Variants in MEF2D observed in about 807,000 individuals in gnomAD.
MEF2D encodes myocyte-specific enhancer factor 2D.
Under a neutral mutation model 59.3 loss-of-function variants are expected in MEF2D, and 10 were observed. The ratio of observed to expected loss-of-function variants is 0.17; its 90% CI spans 0.10 to 0.29. The LOEUF (loss-of-function observed/expected upper bound fraction) is 0.29, where lower values mean the gene tolerates loss of function less well. Ranked by LOEUF, MEF2D falls within the 10% of genes least tolerant of loss-of-function variation. MEF2D has a pLI of 1.00. For synonymous variants in MEF2D, 305 were observed against 295.0 expected (o/e 1.03, Z -0.35); for missense variants, 508 against 699.4 (o/e 0.73, Z 3.09).
chr1:156,471,159 A>G (rs1671213756), intron 9 of MEF2D, among the ~76,000 whole-genome samples: 1 of 151,958 alleles, frequency 6.6e-6, no homozygotes, highest in Non-Finnish European at 1.5e-5. Context: ...AGGTTCAAGC[A>G]ATTCTCCTGC....
intron 11 of MEF2D, 54 bp downstream of exon 11, chr1:156,467,939 G>A (rs1670964259): frequency 6.4e-7 from 1 of 1,556,678 alleles, no homozygotes; most frequent in Non-Finnish European, 8.7e-7. Flanking sequence ...GGCACGCGGG[G>A]CAGTCCCTGG....
At chr1:156,494,004 G>A (rs888183936) in intron 1 of MEF2D, among the ~76,000 whole-genome samples, 1 of 152,172 alleles carries the variant, frequency 6.6e-6, no homozygotes, top group Non-Finnish European at 1.5e-5. Context: ...GCATAGAGGA[G>A]GCAGTGGTGG....
At position 156,492,673 on chromosome 1, in the gene MEF2D, G is replaced by C. The variant is rs562368751; in HGVS notation, c.-139+7813C>G. Reference sequence around the variant, plus strand: ...CATCTAAACAAGAGCAATGGACAGGGGCCCTTGGCTATCAGAAGCCCTGGC... The same window carrying C: ...CATCTAAACAAGAGCAATGGACAGGCGCCCTTGGCTATCAGAAGCCCTGGC... On this transcript the variant is annotated intron_variant, in intron 1 of 11. Transcript: ENST00000348159. Among the ~76,000 whole-genome samples the C allele has an allele frequency of 6.5e-4, 99 of 152,316 alleles. 1 individual carries two copies. Among genetic ancestry groups the C allele is most frequent in the Admixed American group, 1.4e-3 (22 of 15,290 alleles).
intron 9 of MEF2D, among the ~76,000 whole-genome samples, chr1:156,472,579 C>T (rs190083436): frequency 3.7e-4 from 56 of 152,290 alleles, no homozygotes; most frequent in Middle Eastern, 3.4e-3. Flanking sequence ...ACAAAAGTCT[C>T]GCTCTGTTGC....
rs1670933412 is a variant in MEF2D, at chr1:156,467,612, T to A, written c.*33A>T. On this transcript the variant is annotated 3_prime_UTR_variant, in exon 12 of 12. Coordinates refer to ENST00000348159, the MANE Select transcript of MEF2D (RefSeq NM_005920.4). Reference sequence around the variant, plus strand: ...GGGCGGTGAGATTGTCAACTCTTCATCAGGGAGGCTGAGAGGAGGGGAGTG... The same window carrying A: ...GGGCGGTGAGATTGTCAACTCTTCAACAGGGAGGCTGAGAGGAGGGGAGTG... 1.1e-5 allele frequency: 14 copies of A among 1,317,570 alleles called. No homozygotes were observed. Among genetic ancestry groups the A allele is most frequent in the Non-Finnish European group, 1.4e-5 (14 of 1,024,126 alleles). 81.6% of individuals were successfully genotyped at this position (1,317,570 alleles called of 1,614,324 possible). A position where few individuals can be genotyped will look rare whatever the true frequency, so the allele number is the denominator to read the frequency against.
chr1:156,500,365 CG>C, intron 1 of MEF2D, 120 bp downstream of exon 1: 1 of 152,952 alleles, frequency 6.5e-6, no homozygotes, highest in Non-Finnish European at 1.5e-5. Context: ...CCTCCCGGCC[CG>C]GGGGCTGCCC....
At chr1:156,473,164 C>T (rs6700679) in intron 9 of MEF2D, among the ~76,000 whole-genome samples, 83,594 of 151,704 alleles carry the variant, frequency 0.55, 24,922 homozygotes, top group East Asian at 0.73. Flanking sequence ...ACTACAGGTA[C>T]GTGCCACTAC....
Position 156,468,902 on chromosome 1 carries a change from C to G in MEF2D, c.1125G>C (p.Gln375His). The change falls in exon 10 of 12, where the codon CAG becomes CAC. Residue 375 changes from glutamine (Q) to histidine (H), a missense_variant. Transcript: ENST00000348159. This position sits in a 1 kb window ranked among gnomAD's most constrained non-coding sequence, Gnocchi z 4.3. ...GTGGCTGCTGCTGTGGAGGCTGTGGCTGCTGCGGCTGCTGGGGCTGCTGTG... is the reference window on the plus strand; with the variant it reads ...GTGGCTGCTGCTGTGGAGGCTGTGGGTGCTGCGGCTGCTGGGGCTGCTGTG... ...QQPQQPQQPQ[Q>H]PQPPQQQPPQ... The G allele has an allele frequency of 6.2e-7, 1 of 1,613,220 alleles. No individual in the cohort carries two copies. Among genetic ancestry groups the G allele is most frequent in the Non-Finnish European group, 8.5e-7 (1 of 1,179,598 alleles).
chr1:156,471,028 G>A (rs1287755481), intron 9 of MEF2D, among the ~76,000 whole-genome samples: 1 of 152,170 alleles, frequency 6.6e-6, no homozygotes, highest in Non-Finnish European at 1.5e-5. Context: ...CAGAGCAAGG[G>A]CAGAAACGGG....
At chr1:156,467,703 G>A in intron 11 of MEF2D, 47 bp from the exon 12 acceptor site, 2 of 1,354,744 alleles carry the variant, frequency 1.5e-6, no homozygotes, top group Middle Eastern at 2.1e-4. Flanking sequence ...GGTGGCCCAG[G>A]CTTTGGGTAT....
intron 6 of MEF2D, among the ~76,000 whole-genome samples, chr1:156,477,511 C>T (rs968644870): frequency 1.3e-5 from 2 of 152,182 alleles, no homozygotes; most frequent in African/African-American, 4.8e-5. Context: ...CTAGGCTCTG[C>T]GACGGCCAAG....
intron 1 of MEF2D, among the ~76,000 whole-genome samples, chr1:156,487,910 C>G (rs189880309): frequency 6.0e-4 from 91 of 152,350 alleles, no homozygotes; most frequent in African/African-American, 2.1e-3. Context: ...TCTCCTTCAC[C>G]CTGCCTAGTA....
Position 156,467,536 on chromosome 1 carries a change from A to C in MEF2D, c.*109T>G. On this transcript the variant is annotated 3_prime_UTR_variant, in exon 12 of 12. Transcript: ENST00000348159. ...TGTAACCGTCAACAGGACACGAAGC[A>C]CAAGAAAGGAAGTGGGGGTCGAGCG... The C allele has an allele frequency of 4.3e-6, 3 of 692,978 alleles. No homozygotes were observed. The highest frequency in any genetic ancestry group is 6.6e-6 in the Non-Finnish European group (3 of 456,146). 42.9% of individuals were successfully genotyped at this position (692,978 alleles called of 1,614,324 possible).
At chr1:156,473,306 C>G (rs1298335242) in intron 9 of MEF2D, among the ~76,000 whole-genome samples, 1 of 152,174 alleles carries the variant, frequency 6.6e-6, no homozygotes, top group Non-Finnish European at 1.5e-5. Context: ...TGAGCCACCA[C>G]GCCTGGCCTG....
chr1:156,467,615 G>A lies in MEF2D; in HGVS notation c.*30C>T, dbSNP rs757735074. 8 of 1,318,662 alleles carry A rather than the reference G, an allele frequency of 6.1e-6. No individual in the cohort carries two copies. The South Asian group carries it at 2.4e-4, about 40-fold the overall frequency. 81.7% of individuals were successfully genotyped at this position (1,318,662 alleles called of 1,614,324 possible). A position where few individuals can be genotyped will look rare whatever the true frequency, so the allele number is the denominator to read the frequency against. ...CGGTGAGATTGTCAACTCTTCATCA[G>A]GGAGGCTGAGAGGAGGGGAGTGGGA... On this transcript the variant is annotated 3_prime_UTR_variant, in exon 12 of 12. Transcript: ENST00000348159.
rs898225712 is a variant in MEF2D at position 156,479,761 on chromosome 1, G to A, written c.432C>T (p.Val144=). 4 of 1,551,600 alleles carry A rather than the reference G, an allele frequency of 2.6e-6. No homozygotes were observed. Among genetic ancestry groups the A allele is most frequent in the Non-Finnish European group, 3.5e-6 (4 of 1,146,990 alleles). Residue 144 remains valine, a synonymous_variant, in exon 5 of 12, where the codon GTC becomes GTT. Transcript: ENST00000348159. ...TVPAPNFAMP[V]TVPVSNQSSL... is the part of the protein sequence containing the mutation. Reference sequence around the variant, plus strand: ...AGCTCTGATTGGACACGGGCACCGTGACAGGCATGGCAAAGTTGGGGGCCG... The same window carrying A: ...AGCTCTGATTGGACACGGGCACCGTAACAGGCATGGCAAAGTTGGGGGCCG...
chr1:156,467,272 T>C lies in MEF2D; in HGVS notation c.*373A>G, dbSNP rs1670904588. On this transcript the variant is annotated 3_prime_UTR_variant, in exon 12 of 12. Coordinates refer to ENST00000348159, the MANE Select transcript of MEF2D (RefSeq NM_005920.4). ...GGGGGTGGGGTGGGAGGGCTCCACA[T>C]GCAGGGCTCGGCACCTGTCCTTTCC... is the stretch of plus-strand genomic sequence containing the variant. 1 of 152,498 alleles carries C rather than the reference T, an allele frequency of 6.6e-6. No individual in the cohort carries two copies. The allele number at this position is 152,498 out of a possible 1,614,324, so 9.4% of individuals were successfully genotyped here.
intron 7 of MEF2D, chr1:156,476,805 CT>C: frequency 1.5e-6 from 1 of 660,716 alleles, no homozygotes; most frequent in East Asian, 2.7e-5. Context: ...CCCCTTTTTA[CT>C]GCCTTAGGCT....
chr1:156,484,380 C>G (rs1240586784), intron 1 of MEF2D, among the ~76,000 whole-genome samples: 1 of 152,242 alleles, frequency 6.6e-6, no homozygotes, highest in African/African-American at 2.4e-5. Context: ...ATGAAAGCAA[C>G]AGACAGCAAC....
Sources: gnomAD v4.1 joint callset for allele counts (sites outside exome capture counted in the v4.1 genomes callset) on GRCh38, gnomAD v4.1.1 for gene constraint, Gnocchi (gnomAD v3.1) non-coding constraint, MANE v1.5 for transcripts, NCBI Gene and HGNC (gene_info 2026-07-23, HGNC 2026-07-21) for gene names.